The following LRP1B variants were observed in gnomAD, a reference collection of about 807,000 sequenced individuals.
LRP1B encodes the protein LDL receptor related protein 1B, also known as low-density lipoprotein receptor-related protein 1B.
In LRP1B, 217 loss-of-function variants were observed where a neutral mutation model predicts 556.6. That is an observed-to-expected ratio of 0.39 (90% CI 0.35 to 0.44). The LOEUF is 0.44. LRP1B is among the 20% of genes least tolerant of loss of function. The pLI is 1.00. For synonymous variants in LRP1B, 2,047 were observed against 1,865.8 expected (o/e 1.10, Z -2.50); for missense variants, 5,053 against 5,620.8 (o/e 0.90, Z 3.23).
intron 2 of LRP1B, among the ~76,000 whole-genome samples, chr2:141,672,735 C>T (rs550823889): frequency 6.6e-6 from 1 of 152,220 alleles, no homozygotes; most frequent in Admixed American, 6.5e-5. Context: ...TAAATTAAAT[C>T]GCAACTTTCT....
At chr2:141,277,291 G>T (rs970802476) in intron 3 of LRP1B, among the ~76,000 whole-genome samples, 1 of 152,100 alleles carries the variant, frequency 6.6e-6, no homozygotes, top group Non-Finnish European at 1.5e-5. Context: ...CCACAGTCTT[G>T]CCAGAATCTG....
intron 7 of LRP1B, among the ~76,000 whole-genome samples, chr2:141,125,863 A>AC (rs1352793946): frequency 2.7e-5 from 4 of 150,002 alleles, no homozygotes; most frequent in East Asian, 3.9e-4. Context: ...AAAAAAAAAC[A>AC]AAAAACCTCC....
chr2:140,320,894 C>A (rs968055466), intron 82 of LRP1B, among the ~76,000 whole-genome samples: 1 of 151,880 alleles, frequency 6.6e-6, no homozygotes, highest in Non-Finnish European at 1.5e-5. Flanking sequence ...AATACACACA[C>A]ACACACACAA....
intron 41 of LRP1B, among the ~76,000 whole-genome samples, chr2:140,620,698 TAAG>T (rs139217451): frequency 0.19 from 28,112 of 151,840 alleles, 3,140 homozygotes; most frequent in South Asian, 0.38. Context: ...TCTTTCAAAA[TAAG>T]AAGAATATCT....
chr2:140,798,536 T>C (rs1207666016), intron 32 of LRP1B, among the ~76,000 whole-genome samples: 1 of 152,140 alleles, frequency 6.6e-6, no homozygotes, highest in Non-Finnish European at 1.5e-5. Context: ...TCAGGCCTCA[T>C]AGAGGCAATT....
chr2:140,669,723 G>C (rs1685412531), intron 41 of LRP1B, among the ~76,000 whole-genome samples: 1 of 151,644 alleles, frequency 6.6e-6, no homozygotes, highest in East Asian at 1.9e-4. Context: ...ATTATTGGTT[G>C]TAACATTATA....
chr2:141,416,352 C>T (rs1036828341), intron 3 of LRP1B, among the ~76,000 whole-genome samples: 3 of 151,592 alleles, frequency 2.0e-5, no homozygotes, highest in African/African-American at 7.3e-5. Context: ...AATAATATCT[C>T]TTTCATAAGA....
rs187324053 is a variant in LRP1B, at chr2:140,509,049, C to T, written c.8398+879G>A. ...TCTTTTCTACTTTAACTATTCCTCA[C>T]GTACATACCCCTGCACACACACACA... On this transcript the variant is annotated intron_variant, in intron 52 of 90. Transcript: ENST00000389484. 3.7e-4 allele frequency among the ~76,000 whole-genome samples: 53 copies of T among 144,512 alleles called. 1 individual carries two copies. The highest frequency in any genetic ancestry group is 3.3e-3 in the Admixed American group (45 of 13,774). The allele number at this position is 144,512 out of a possible 152,430, so 94.8% of individuals were successfully genotyped here. A position where few individuals can be genotyped will look rare whatever the true frequency, so the allele number is the denominator to read the frequency against.
intron 3 of LRP1B, among the ~76,000 whole-genome samples, chr2:141,402,487 C>T (rs1690482938): frequency 6.6e-6 from 1 of 151,850 alleles, no homozygotes; most frequent in Admixed American, 6.6e-5. Context: ...CAAGCCTTCT[C>T]AATAAGCTTT....
intron 1 of LRP1B, among the ~76,000 whole-genome samples, chr2:141,973,024 A>T (rs1363648122): frequency 6.6e-6 from 1 of 151,666 alleles, no homozygotes; most frequent in East Asian, 1.9e-4. Context: ...TCTCATTTCA[A>T]GTACTTATAG....
chr2:142,028,978 T>C (rs1703599469), intron 1 of LRP1B, among the ~76,000 whole-genome samples: 1 of 151,942 alleles, frequency 6.6e-6, no homozygotes, highest in South Asian at 2.1e-4. Flanking sequence ...TGAAGTGATG[T>C]TCAAATCTTT....
At chr2:140,534,711 CTCTGAT>C (rs1690870272) in intron 46 of LRP1B, among the ~76,000 whole-genome samples, 1 of 152,136 alleles carries the variant, frequency 6.6e-6, no homozygotes, top group Non-Finnish European at 1.5e-5. Flanking sequence ...TCTTGACATT[CTCTGAT>C]TTGGGGCAGA....
intron 2 of LRP1B, among the ~76,000 whole-genome samples, chr2:141,499,699 T>C (rs1319188441): frequency 6.6e-6 from 1 of 152,000 alleles, no homozygotes; most frequent in Non-Finnish European, 1.5e-5. Context: ...TATTAAAGTA[T>C]GACATTTTTA....
At chr2:142,042,271 C>T (rs1165534398) in intron 1 of LRP1B, among the ~76,000 whole-genome samples, 7 of 151,152 alleles carry the variant, frequency 4.6e-5, no homozygotes, top group Admixed American at 4.6e-4. Flanking sequence ...AATTAAAACC[C>T]CAGAATTTAA....
chr2:140,632,031 A>C (rs183530669), intron 41 of LRP1B, among the ~76,000 whole-genome samples: 1 of 152,292 alleles, frequency 6.6e-6, no homozygotes, highest in East Asian at 1.9e-4. Flanking sequence ...CAAACTCATC[A>C]ATTTAGAATT....
rs150645967 is a variant in LRP1B at position 140,906,433 on chromosome 2, A to C, written c.3520+1444T>G. 2.2e-3 allele frequency among the ~76,000 whole-genome samples: 341 copies of C among 152,170 alleles called. 1 individual carries two copies. Among genetic ancestry groups the C allele is most frequent in the African/African-American group, 6.9e-3 (287 of 41,546 alleles). ...TTTCTTCATTTTTCTCAATGGGTGT[A>C]CTTTCTGTCTTTTGCCTTTTATTTA... On this transcript the variant is annotated intron_variant, in intron 22 of 90. Transcript: ENST00000389484.
intron 35 of LRP1B, among the ~76,000 whole-genome samples, chr2:140,762,576 C>T (rs900238871): frequency 1.3e-4 from 20 of 151,854 alleles, no homozygotes; most frequent in African/African-American, 4.4e-4. Flanking sequence ...TGCCAAGTTC[C>T]TATTCTAAAA....
In LRP1B at chr2:140,634,154, T is replaced by A. The variant is rs376076132; in HGVS notation, c.6800-32515A>T. Among the ~76,000 whole-genome samples the A allele has an allele frequency of 3.3e-5, 5 of 152,090 alleles. No homozygotes were observed. The East Asian group carries it at 9.6e-4, about 29-fold the overall frequency. On this transcript the variant is annotated intron_variant, in intron 41 of 90. Transcript: ENST00000389484. ...ATAAGACCAGCTCAACATTTCAAAA[T>A]CAATCAATATTAATCCACCACATTA...
At chr2:141,074,408 T>C (rs574000587) in intron 7 of LRP1B, among the ~76,000 whole-genome samples, 1 of 152,114 alleles carries the variant, frequency 6.6e-6, no homozygotes, top group Non-Finnish European at 1.5e-5. Context: ...CTGTTTCTTA[T>C]TTTACTTGCA....
Sources: allele counts gnomAD v4.1 joint callset (sites outside exome capture counted in the v4.1 genomes callset), GRCh38; gene constraint gnomAD v4.1.1; transcripts MANE v1.5; gene names NCBI Gene and HGNC (gene_info 2026-07-23, HGNC 2026-07-21).